DNAAF4: variants seen among roughly 807,000 people sequenced by gnomAD.
DNAAF4 encodes the protein dynein assembly factor 4, axonemal.
DNAAF4 carries 43 observed loss-of-function variants against 51.8 expected under a neutral mutation model. That is an observed-to-expected ratio of 0.83 (90% CI 0.65 to 1.07). The LOEUF is 1.07. DNAAF4 is among the 50% of genes least tolerant of loss of function. The probability of loss-of-function intolerance (pLI) is 0.00; values close to 1 mark genes in which losing one functional copy is unlikely to be tolerated. For missense variants in DNAAF4, 581 were observed against 493.0 expected, an observed-to-expected ratio of 1.18 and a Z score of -1.69; for synonymous variants, 194 against 165.6, an observed-to-expected ratio of 1.17 and a Z score of -1.32.
chr15:55,435,294 T>C (rs535601946), intron 7 of DNAAF4, among the ~76,000 whole-genome samples: 1 of 152,110 alleles, frequency 6.6e-6, no homozygotes, highest in East Asian at 1.9e-4. Flanking sequence ...CAGTAGGGCA[T>C]ATTTGCATTA....
intron 6 of DNAAF4, among the ~76,000 whole-genome samples, chr15:55,447,694 C>CA (rs1312155624): frequency 1.3e-5 from 2 of 148,886 alleles, no homozygotes; most frequent in African/African-American, 2.5e-5. Flanking sequence ...AGGAGAATGA[C>CA]AGGAGCCTGA....
intron 4 of DNAAF4, among the ~76,000 whole-genome samples, chr15:55,485,142 C>T (rs116697055): frequency 0.017 from 2,620 of 152,166 alleles, 70 homozygotes; most frequent in African/African-American, 0.06. Flanking sequence ...TGGCCAAAGA[C>T]ATCAGAACAG....
chr15:55,470,087 C>T (rs571699032), intron 4 of DNAAF4, among the ~76,000 whole-genome samples: 10 of 150,740 alleles, frequency 6.6e-5, no homozygotes, highest in African/African-American at 1.5e-4. Flanking sequence ...AGTCTCACTC[C>T]GTTGCCCAGG....
intron 2 of DNAAF4, 31 bp downstream of exon 2, chr15:55,498,176 G>A (rs763642859): frequency 6.2e-7 from 1 of 1,613,976 alleles, no homozygotes; most frequent in Non-Finnish European, 8.5e-7. Context: ...CCACACCCCC[G>A]GAGACCGGCA....
chr15:55,440,136 T>A (rs2141424731), intron 6 of DNAAF4, among the ~76,000 whole-genome samples: 1 of 151,754 alleles, frequency 6.6e-6, no homozygotes, highest in Non-Finnish European at 1.5e-5. Context: ...CACTGTAACC[T>A]CCACCTCCCA....
chr15:55,486,077 A>T (rs1368170840), intron 4 of DNAAF4, among the ~76,000 whole-genome samples: 2 of 151,264 alleles, frequency 1.3e-5, no homozygotes, highest in Non-Finnish European at 2.9e-5. Flanking sequence ...AGACTCTGGC[A>T]TCAGTATTCC....
chr15:55,451,275 C>A (rs1242923578), intron 5 of DNAAF4, among the ~76,000 whole-genome samples: 1 of 152,168 alleles, frequency 6.6e-6, no homozygotes, highest in Non-Finnish European at 1.5e-5. Context: ...TGTTGCATAA[C>A]AAAGTATTAC....
At chr15:55,427,060 G>GTT (rs199888867), downstream of DNAAF4, among the ~76,000 whole-genome samples, 18 of 150,844 alleles carry the variant, frequency 1.2e-4, no homozygotes, top group African/African-American at 4.4e-4. Flanking sequence ...GAGTTTTTTT[G>GTT]TTTTTTTTTG....
intron 7 of DNAAF4, among the ~76,000 whole-genome samples, chr15:55,436,455 C>T (rs1270302006): frequency 2.6e-5 from 4 of 152,136 alleles, no homozygotes; most frequent in African/African-American, 9.7e-5. Flanking sequence ...GCCATCTCAG[C>T]TCACTGCAAC....
intron 6 of DNAAF4, chr15:55,443,238 C>T (rs2057742455): frequency 1.2e-6 from 2 of 1,607,328 alleles, no homozygotes; most frequent in African/African-American, 2.7e-5. Flanking sequence ...GAATGACTTC[C>T]TCAGAAGAAA....
At chr15:55,423,297 TC>T (rs968472011) in intron 7 of DNAAF4, among the ~76,000 whole-genome samples, 6 of 151,834 alleles carry the variant, frequency 4.0e-5, no homozygotes, top group African/African-American at 1.5e-4. Context: ...AACCTCGACT[TC>T]CCCGGCTCAA....
intron 5 of DNAAF4, among the ~76,000 whole-genome samples, chr15:55,453,467 C>G (rs1051342932): frequency 1.3e-5 from 2 of 151,288 alleles, no homozygotes; most frequent in Non-Finnish European, 2.9e-5. Flanking sequence ...TTACTTAAAG[C>G]CAGTAAAGAC....
At chr15:55,449,380 T>C (rs888435477) in intron 6 of DNAAF4, among the ~76,000 whole-genome samples, 5 of 151,248 alleles carry the variant, frequency 3.3e-5, no homozygotes, top group Admixed American at 1.3e-4. Flanking sequence ...ATGCAGTTCT[T>C]GGCTGGGTAC....
Position 55,460,182 on chromosome 15 carries a change from TA to T in DNAAF4, c.637+6747del, listed in dbSNP as rs199874916. Among the ~76,000 whole-genome samples the T allele has an allele frequency of 1.1e-3, 143 of 124,664 alleles. 24 individuals carry two copies. In the Middle Eastern group the frequency reaches 0.017, roughly 15 times the overall value. The allele number at this position is 124,664 out of a possible 152,430, so 81.8% of individuals were successfully genotyped here. A position where few individuals can be genotyped will look rare whatever the true frequency, so the allele number is the denominator to read the frequency against. On this transcript the variant is annotated intron_variant, in intron 5 of 9. Coordinates refer to ENST00000321149, the MANE Select transcript of DNAAF4 (RefSeq NM_130810.4). The stretch of plus-strand genomic sequence containing the variant: ...TTATTTATTTATTTATTTACTTATT[TA>T]TTTATTTTTTTTTTTGAGACAGAGT...
chr15:55,476,688 A>G (rs1228778649), intron 4 of DNAAF4, among the ~76,000 whole-genome samples: 1 of 152,270 alleles, frequency 6.6e-6, no homozygotes, highest in Non-Finnish European at 1.5e-5. Flanking sequence ...ATGCTAAAAA[A>G]TATAAAACAG....
chr15:55,503,406 TC>T (rs2058709895), intron 1 of DNAAF4, among the ~76,000 whole-genome samples: 1 of 152,032 alleles, frequency 6.6e-6, no homozygotes, highest in Non-Finnish European at 1.5e-5. Flanking sequence ...AAAGAGGGAA[TC>T]CTCCCCAACT....
chr15:55,428,593 C>T (rs1208932154), downstream of DNAAF4, among the ~76,000 whole-genome samples: 1 of 135,754 alleles, frequency 7.4e-6, no homozygotes, highest in Non-Finnish European at 1.5e-5. Context: ...CTCCCGAGTT[C>T]TCGCCATTCT....
intron 4 of DNAAF4, among the ~76,000 whole-genome samples, chr15:55,469,212 C>T (rs1944249693): frequency 6.6e-6 from 1 of 151,694 alleles, no homozygotes; most frequent in South Asian, 2.1e-4. Flanking sequence ...GGCCCTTAAT[C>T]CCAGCTACTT....
intron 6 of DNAAF4, chr15:55,443,298 C>G: frequency 7.1e-7 from 1 of 1,418,116 alleles, no homozygotes; most frequent in Admixed American, 2.1e-5. Flanking sequence ...GCCTGCCTAC[C>G]GGTGGCGGCT....
Sources: allele counts gnomAD v4.1 joint callset (sites outside exome capture counted in the v4.1 genomes callset), GRCh38; gene constraint gnomAD v4.1.1; transcripts MANE v1.5; gene names NCBI Gene and HGNC (gene_info 2026-07-23, HGNC 2026-07-21).